The following FAM20B variants were observed in gnomAD, a reference collection of about 807,000 sequenced individuals.
FAM20B encodes glycosaminoglycan xylosylkinase.
In FAM20B, 23 loss-of-function variants were observed where a neutral mutation model predicts 43.8. The observed-to-expected ratio is 0.53, with a 90% CI of 0.38 to 0.74. FAM20B has a LOEUF of 0.74. Among genes scored for constraint, FAM20B ranks in the 30% least tolerant of loss-of-function variants. The pLI is 0.00. For missense variants in FAM20B, 440 were observed against 510.5 expected (o/e 0.86, Z 1.33); for synonymous variants, 178 against 192.4 (o/e 0.93, Z 0.62).
intron 4 of FAM20B, among the ~76,000 whole-genome samples, chr1:179,055,774 T>C (rs1651192875): frequency 6.6e-6 from 1 of 152,122 alleles, no homozygotes; most frequent in South Asian, 2.1e-4. Flanking sequence ...TTATTAACAC[T>C]TGAACTGAGT....
At chr1:179,026,759 C>T (rs1421337631) in intron 1 of FAM20B, among the ~76,000 whole-genome samples, 1 of 152,218 alleles carries the variant, frequency 6.6e-6, no homozygotes, top group Non-Finnish European at 1.5e-5. Context: ...GTGACGGCCC[C>T]GCGATTAAGA....
At chr1:179,031,885 G>A (rs1272381664) in intron 1 of FAM20B, among the ~76,000 whole-genome samples, 1 of 152,176 alleles carries the variant, frequency 6.6e-6, no homozygotes, top group African/African-American at 2.4e-5. Context: ...TGTGAAGTGG[G>A]ATAAGTTCAT....
intron 1 of FAM20B, among the ~76,000 whole-genome samples, chr1:179,041,383 C>T (rs927993746): frequency 1.7e-4 from 26 of 152,188 alleles, no homozygotes; most frequent in African/African-American, 5.3e-4. Flanking sequence ...ACTGAGTGAA[C>T]GAGACTCCGT....
At chr1:179,062,772 C>T (rs1282534123) in intron 4 of FAM20B, among the ~76,000 whole-genome samples, 1 of 152,244 alleles carries the variant, frequency 6.6e-6, no homozygotes, top group Admixed American at 6.5e-5. Context: ...GTTTAACTCT[C>T]TTCTCCACTG....
chr1:179,072,227 G>A lies in FAM20B; in HGVS notation c.*83G>A, dbSNP rs1377765509. 2 of 1,140,944 alleles carry A rather than the reference G, an allele frequency of 1.8e-6. No homozygotes were observed. The highest frequency in any genetic ancestry group is 1.3e-6 in the Non-Finnish European group (1 of 794,482). 70.7% of individuals were successfully genotyped at this position (1,140,944 alleles called of 1,614,324 possible). On this transcript the variant is annotated 3_prime_UTR_variant, in exon 8 of 8. Coordinates refer to ENST00000263733, the MANE Select transcript of FAM20B (RefSeq NM_014864.4). ...AATTCCAAATGGTATGAGATGGATT[G>A]GAAGTGGCCAGCAGCAAGTTCTGGT...
At chr1:179,035,563 G>T in intron 1 of FAM20B, 1 of 637,446 alleles carries the variant, frequency 1.6e-6, no homozygotes, top group Non-Finnish European at 2.9e-6. Flanking sequence ...TTGTCCTTAG[G>T]CACGCATCAG....
intron 1 of FAM20B, among the ~76,000 whole-genome samples, chr1:179,035,151 T>G (rs921065783): frequency 2.0e-5 from 3 of 152,202 alleles, no homozygotes; most frequent in Non-Finnish European, 4.4e-5. Flanking sequence ...GGCAGCCACA[T>G]ACATTGAGAT....
In FAM20B at chr1:179,064,015, C is replaced by A; in HGVS notation, c.663C>A (p.Val221=). The A allele has an allele frequency of 6.2e-7, 1 of 1,613,786 alleles. No homozygotes were observed. The highest frequency in any genetic ancestry group is 1.6e-4 in the Middle Eastern group (1 of 6,062). The part of the protein sequence containing the change: ...CADGDIMEGS[V]TLWLPDVWPL... ...ATGGAGACATAATGGAGGGATCTGTCACACTTTGGCTTCCAGATGTGTGGC... is the reference window on the plus strand; with the variant it reads ...ATGGAGACATAATGGAGGGATCTGTAACACTTTGGCTTCCAGATGTGTGGC... Residue 221 remains valine, a synonymous_variant, in exon 5 of 8, where the codon GTC becomes GTA. Transcript: ENST00000263733.
intron 4 of FAM20B, among the ~76,000 whole-genome samples, chr1:179,061,497 G>A (rs575178815): frequency 3.9e-5 from 6 of 152,018 alleles, no homozygotes; most frequent in Admixed American, 2.0e-4. Flanking sequence ...CTAATCTCCT[G>A]GTCTCAAGCA....
rs760508330 is a variant in FAM20B at position 179,054,605 on chromosome 1, A to T, written c.541A>T (p.Thr181Ser). Residue 181 changes from threonine (T) to serine (S), a missense_variant, in exon 4 of 8, where the codon ACA becomes TCA. By Grantham distance (58) the Thr-to-Ser change is moderately conservative (BLOSUM62 1). Transcript: ENST00000263733. ...NLRTEIKPVA[T>S]EQLLSTFLTV... ...TCGGACAGAGATCAAACCTGTCGCC[A>T]CAGAGCAGCTGTTGAGCACCTTCCT... 15 of 1,612,744 alleles carry T rather than the reference A, an allele frequency of 9.3e-6. No homozygotes were observed. The South Asian group carries it at 1.3e-4, about 14-fold the overall frequency.
chr1:179,024,781 A>G (rs1649689866), upstream of FAM20B, among the ~76,000 whole-genome samples: 1 of 152,232 alleles, frequency 6.6e-6, no homozygotes, highest in African/African-American at 2.4e-5. Context: ...CTAATCATAC[A>G]CAATAATCTT....
At chr1:179,066,985 A>C in intron 7 of FAM20B, 126 bp downstream of exon 7, 1 of 667,738 alleles carries the variant, frequency 1.5e-6, no homozygotes, top group Non-Finnish European at 2.7e-6. Flanking sequence ...TACTTTTCCA[A>C]CCTAGAACCT....
intron 7 of FAM20B, among the ~76,000 whole-genome samples, chr1:179,070,502 G>C (rs1202909435): frequency 6.7e-6 from 1 of 149,678 alleles, no homozygotes; most frequent in East Asian, 2.0e-4. Flanking sequence ...GGGCAACAAG[G>C]GGCTGAACTC....
At chr1:179,059,473 T>C (rs946859965) in intron 4 of FAM20B, among the ~76,000 whole-genome samples, 33 of 152,148 alleles carry the variant, frequency 2.2e-4, no homozygotes, top group African/African-American at 8.0e-4. Flanking sequence ...AATCTCATCA[T>C]TAAACTAGTC....
At chr1:179,046,244 A>G (rs72707298) in intron 2 of FAM20B, among the ~76,000 whole-genome samples, 1 of 152,378 alleles carries the variant, frequency 6.6e-6, no homozygotes, top group Non-Finnish European at 1.5e-5. Flanking sequence ...AGCACTCATC[A>G]TCAAAAATCG....
intron 1 of FAM20B, among the ~76,000 whole-genome samples, chr1:179,040,584 G>A (rs1650455875): frequency 8.2e-6 from 1 of 122,322 alleles, no homozygotes; most frequent in South Asian, 2.7e-4. Context: ...GCCGGGCAGA[G>A]GGGCTCCTCA....
chr1:179,050,172 G>A (rs1650945128), intron 2 of FAM20B, 107 bp from the exon 3 acceptor site: 6 of 717,940 alleles, frequency 8.4e-6, no homozygotes, highest in South Asian at 3.4e-5. Context: ...CAGAGAAGGT[G>A]ACTATAGCAG....
upstream of FAM20B, among the ~76,000 whole-genome samples, chr1:179,021,431 C>T (rs897146249): frequency 2.6e-5 from 4 of 152,202 alleles, no homozygotes; most frequent in African/African-American, 9.6e-5. Context: ...TCTCTCCACC[C>T]AATCCCTTGA....
At chr1:179,019,983 C>T in the FAM20B span, among the ~76,000 whole-genome samples, 1 of 152,166 alleles carries the variant, frequency 6.6e-6, no homozygotes, top group African/African-American at 2.4e-5. Flanking sequence ...GGTTCTTTCT[C>T]CCTGGGCTTA....
Sources: allele counts gnomAD v4.1 joint callset (sites outside exome capture counted in the v4.1 genomes callset), GRCh38; gene constraint gnomAD v4.1.1; transcripts MANE v1.5; gene names NCBI Gene and HGNC (gene_info 2026-07-23, HGNC 2026-07-21).